NUP155: variants seen among roughly 807,000 people sequenced by gnomAD.
The protein encoded by NUP155 is nucleoporin 155.
NUP155 carries 71 observed loss-of-function variants against 180.4 expected under a neutral mutation model. That is an observed-to-expected ratio of 0.39 (90% CI 0.33 to 0.48). The LOEUF (loss-of-function observed/expected upper bound fraction) is 0.48. NUP155 is among the 20% of genes least tolerant of loss of function. The pLI is 0.91. For synonymous variants in NUP155, 582 were observed against 559.5 expected (o/e 1.04, Z -0.57); for missense variants, 1,553 against 1,648.9 (o/e 0.94, Z 1.01).
intron 9 of NUP155, among the ~76,000 whole-genome samples, chr5:37,344,227 C>T (rs1745927945): frequency 6.6e-6 from 1 of 151,468 alleles, no homozygotes; most frequent in African/African-American, 2.4e-5. Flanking sequence ...TCTAGAGTCC[C>T]AGCTACTTGG....
At chr5:37,336,618 A>G (rs571096195) in intron 12 of NUP155, among the ~76,000 whole-genome samples, 18 of 152,196 alleles carry the variant, frequency 1.2e-4, no homozygotes, top group South Asian at 2.1e-4. Context: ...CACTCCCCCA[A>G]CACAGCATCC....
chr5:37,357,463 T>C (rs1253708803), intron 4 of NUP155, among the ~76,000 whole-genome samples: 1 of 147,976 alleles, frequency 6.8e-6, no homozygotes, highest in African/African-American at 2.5e-5. Flanking sequence ...ACACTAAAAT[T>C]TTTCTTAACA....
chr5:37,338,667 A>G (rs1462979175), intron 11 of NUP155, among the ~76,000 whole-genome samples: 1 of 152,172 alleles, frequency 6.6e-6, no homozygotes, highest in Non-Finnish European at 1.5e-5. Context: ...GGCCTCCCAA[A>G]GTACTGGAAT....
At chr5:37,350,568 C>T (rs992453084) in intron 6 of NUP155, among the ~76,000 whole-genome samples, 1 of 152,074 alleles carries the variant, frequency 6.6e-6, no homozygotes, top group African/African-American at 2.4e-5. Context: ...CTTTGGGAGG[C>T]CAAGGCAGGT....
chr5:37,326,040 G>C, intron 18 of NUP155, 73 bp from the exon 19 acceptor site: 1 of 1,025,020 alleles, frequency 9.8e-7, no homozygotes. Context: ...CTTTCTCTAG[G>C]AACTTAATGG....
At chr5:37,352,332 C>T (rs935256460) in intron 5 of NUP155, among the ~76,000 whole-genome samples, 2 of 151,558 alleles carry the variant, frequency 1.3e-5, no homozygotes, top group Admixed American at 6.6e-5. Context: ...CACTCCAGCC[C>T]GGGCGACAGT....
At chr5:37,346,606 A>AGGTT (rs1457433469) in intron 9 of NUP155, among the ~76,000 whole-genome samples, 1 of 150,722 alleles carries the variant, frequency 6.6e-6, no homozygotes, top group Non-Finnish European at 1.5e-5. Context: ...CGGGAGGTGG[A>AGGTT]GGTTGTAGGG....
rs187462820 is a variant in NUP155 at position 37,344,999 on chromosome 5, A to T, written c.996-2353T>A. Reference sequence around the variant, plus strand: ...GGAGTTCAAGACCAGCCAGGGCAACATGGTGAGATCCCCTCTCTACAAAAA... The same window carrying T: ...GGAGTTCAAGACCAGCCAGGGCAACTTGGTGAGATCCCCTCTCTACAAAAA... On this transcript the variant is annotated intron_variant, in intron 9 of 34. Coordinates refer to ENST00000231498, the MANE Select transcript of NUP155 (RefSeq NM_153485.3). Among the ~76,000 whole-genome samples the T allele has an allele frequency of 2.3e-3, 354 of 152,006 alleles. 2 individuals carry two copies. Among genetic ancestry groups the T allele is most frequent in the African/African-American group, 8.3e-3 (343 of 41,454 alleles).
intron 24 of NUP155, among the ~76,000 whole-genome samples, chr5:37,307,674 G>A (rs1250087349): frequency 1.3e-5 from 2 of 152,128 alleles, no homozygotes; most frequent in African/African-American, 4.8e-5. Context: ...TGTAATCCCA[G>A]CACTTTGGGA....
chr5:37,305,015 A>G (rs1581136459), intron 26 of NUP155, 42 bp downstream of exon 26: 1 of 1,606,030 alleles, frequency 6.2e-7, no homozygotes, highest in Non-Finnish European at 8.5e-7. Context: ...GAGAACTTCT[A>G]AACAGTGTAT....
At chr5:37,343,586 A>G (rs1362783181) in intron 9 of NUP155, among the ~76,000 whole-genome samples, 1 of 152,124 alleles carries the variant, frequency 6.6e-6, no homozygotes, top group African/African-American at 2.4e-5. Flanking sequence ...AAGTATCATT[A>G]CTGCTAATTA....
intron 2 of NUP155, 97 bp from the exon 3 acceptor site, chr5:37,364,081 A>T (rs1747391166): frequency 8.7e-7 from 1 of 1,154,514 alleles, no homozygotes. Flanking sequence ...AAAAAATCAC[A>T]ATGTGTCCAC....
intron 20 of NUP155, among the ~76,000 whole-genome samples, chr5:37,320,840 A>G (rs1328909997): frequency 6.6e-6 from 1 of 152,236 alleles, no homozygotes; most frequent in African/African-American, 2.4e-5. Flanking sequence ...GAAGGCAAGG[A>G]AACAAAATGT....
rs569698190 is a variant in NUP155 at position 37,353,506 on chromosome 5, C to G, written c.464-677G>C. On this transcript the variant is annotated intron_variant, in intron 4 of 34. Transcript: ENST00000231498. ...CTGAGGCAGGAGAATTGCTTGAACC[C>G]GGGAGGCAGGGGTTGCAGTGAGCCG... Among the ~76,000 whole-genome samples the G allele has an allele frequency of 3.3e-5, 5 of 151,940 alleles. No individual in the cohort carries two copies. In the South Asian group the frequency reaches 8.3e-4, roughly 25 times the overall value.
At chr5:37,347,670 T>A (rs927226796) in intron 9 of NUP155, among the ~76,000 whole-genome samples, 2 of 128,358 alleles carry the variant, frequency 1.6e-5, no homozygotes, top group African/African-American at 6.1e-5. Context: ...CACTCCAGCC[T>A]GGACAACAAG....
intron 4 of NUP155, among the ~76,000 whole-genome samples, chr5:37,354,460 T>C (rs867530831): frequency 4.7e-4 from 59 of 124,952 alleles, no homozygotes; most frequent in East Asian, 2.5e-3. Context: ...ATTTCTTCTT[T>C]TTTTTTTTTT....
At chr5:37,361,187 A>G (rs1561815120) in intron 3 of NUP155, among the ~76,000 whole-genome samples, 1 of 150,404 alleles carries the variant, frequency 6.6e-6, no homozygotes, top group Non-Finnish European at 1.5e-5. Context: ...GAAGTGCTTG[A>G]ACCCAGGAGG....
At chr5:37,321,198 T>C (rs1355684900) in intron 20 of NUP155, among the ~76,000 whole-genome samples, 1 of 151,972 alleles carries the variant, frequency 6.6e-6, no homozygotes, top group African/African-American at 2.4e-5. Flanking sequence ...ATAGAAAAAT[T>C]AGCCAGGCAT....
chr5:37,321,863 A>T (rs1744266955), intron 20 of NUP155, among the ~76,000 whole-genome samples: 1 of 151,140 alleles, frequency 6.6e-6, no homozygotes, highest in Non-Finnish European at 1.5e-5. Context: ...TATTTATGAT[A>T]TTTTTTTTTG....
Sources: allele counts gnomAD v4.1 joint callset (sites outside exome capture counted in the v4.1 genomes callset), GRCh38; gene constraint gnomAD v4.1.1; transcripts MANE v1.5; gene names NCBI Gene and HGNC (gene_info 2026-07-23, HGNC 2026-07-21).